The following LINGO2 variants were observed in gnomAD, a reference collection of about 807,000 sequenced individuals.
The protein encoded by LINGO2 is leucine rich repeat and Ig domain containing 2.
LINGO2 carries 14 observed loss-of-function variants against 30.6 expected under a neutral mutation model. The observed-to-expected ratio is 0.46, with a 90% CI of 0.30 to 0.72. The LOEUF (loss-of-function observed/expected upper bound fraction) is 0.72, where lower values mean the gene tolerates loss of function less well. Ranked by LOEUF, LINGO2 falls within the 30% of genes least tolerant of loss-of-function variation. LINGO2 has a pLI of 0.07. For missense variants in LINGO2, 729 were observed against 751.7 expected (o/e 0.97, Z 0.35); for synonymous variants, 317 against 288.5 (o/e 1.10, Z -1.00).
chr9:29,153,662 C>A, the LINGO2 span, among the ~76,000 whole-genome samples: 1 of 152,118 alleles, frequency 6.6e-6, no homozygotes, highest in Non-Finnish European at 1.5e-5. Context: ...ATACACCCAA[C>A]AAATACAAGG....
At chr9:27,961,274 C>A (rs1819832534) in intron 5 of LINGO2, among the ~76,000 whole-genome samples, 2 of 152,244 alleles carry the variant, frequency 1.3e-5, no homozygotes, top group African/African-American at 4.8e-5. Context: ...TGGGATGTGA[C>A]CCCATCATAA....
chr9:29,014,759 G>A, the LINGO2 span, among the ~76,000 whole-genome samples: 19 of 152,062 alleles, frequency 1.2e-4, no homozygotes, highest in Non-Finnish European at 2.1e-4. Flanking sequence ...TTGGTACTGC[G>A]GTGGAACTTC....
At chr9:28,918,675 C>A in the LINGO2 span, among the ~76,000 whole-genome samples, 1 of 152,184 alleles carries the variant, frequency 6.6e-6, no homozygotes, top group South Asian at 2.1e-4. Flanking sequence ...TGTCAATACA[C>A]TTGAAAACAT....
chr9:28,310,359 A>C (rs1003921306), intron 3 of LINGO2, among the ~76,000 whole-genome samples: 23 of 152,190 alleles, frequency 1.5e-4, no homozygotes, highest in African/African-American at 5.5e-4. Context: ...CTGCACAATA[A>C]AAAGGAATGA....
Position 28,616,189 on chromosome 9 carries a change from T to G in LINGO2, c.-365+54011A>C, listed in dbSNP as rs367672559. 1.2e-3 allele frequency among the ~76,000 whole-genome samples: 177 copies of G among 152,300 alleles called. 3 individuals are homozygous for G. The South Asian group carries it at 0.034, about 29-fold the overall frequency. On this transcript the variant is annotated intron_variant, in intron 1 of 5. Coordinates refer to ENST00000379992, the Ensembl canonical transcript of LINGO2. ...GAAAAGTTTATTTTTAAAATGCTTA[T>G]AAATATTTTTGTTCAGCTGGTCAAA... is the stretch of plus-strand genomic sequence containing the variant.
chr9:28,202,403 T>C (rs1820269259), intron 4 of LINGO2, among the ~76,000 whole-genome samples: 1 of 152,098 alleles, frequency 6.6e-6, no homozygotes, highest in South Asian at 2.1e-4. Context: ...ATCCACTCTT[T>C]GAAAACCACT....
the LINGO2 span, among the ~76,000 whole-genome samples, chr9:29,115,648 T>C: frequency 6.6e-6 from 1 of 152,030 alleles, no homozygotes; most frequent in Non-Finnish European, 1.5e-5. Flanking sequence ...GTTAATATTT[T>C]ATAGTAATTA....
the LINGO2 span, among the ~76,000 whole-genome samples, chr9:28,869,289 T>C: frequency 2.0e-5 from 3 of 151,998 alleles, no homozygotes; most frequent in African/African-American, 7.2e-5. Flanking sequence ...AGTACAGCCA[T>C]AACTGTAATG....
chr9:28,256,969 G>A (rs1383129130), intron 4 of LINGO2, among the ~76,000 whole-genome samples: 2 of 151,644 alleles, frequency 1.3e-5, no homozygotes, highest in Non-Finnish European at 2.9e-5. Flanking sequence ...TCTATTGTGA[G>A]GAATATCTTC....
At chr9:28,227,111 A>G (rs922952258) in intron 4 of LINGO2, among the ~76,000 whole-genome samples, 7 of 152,246 alleles carry the variant, frequency 4.6e-5, no homozygotes, top group Admixed American at 1.3e-4. Flanking sequence ...CATACTAAGC[A>G]CTCAATAAAT....
intron 4 of LINGO2, among the ~76,000 whole-genome samples, chr9:28,233,322 A>T (rs1034501866): frequency 6.6e-6 from 1 of 152,030 alleles, no homozygotes; most frequent in African/African-American, 2.4e-5. Flanking sequence ...TTCCTATTTG[A>T]AAAATGTGTA....
At chr9:28,611,270 T>C (rs1825903236) in intron 1 of LINGO2, among the ~76,000 whole-genome samples, 1 of 152,178 alleles carries the variant, frequency 6.6e-6, no homozygotes, top group African/African-American at 2.4e-5. Context: ...TATGATGTGA[T>C]GTTTTGATAT....
intron 5 of LINGO2, chr9:28,012,309 T>TC (rs988676571): frequency 5.3e-5 from 8 of 152,126 alleles, no homozygotes; most frequent in African/African-American, 1.9e-4. Flanking sequence ...CTTTATGCCT[T>TC]CCCCACTTGC....
At chr9:28,994,164 G>T in the LINGO2 span, among the ~76,000 whole-genome samples, 1 of 152,046 alleles carries the variant, frequency 6.6e-6, no homozygotes, top group Admixed American at 6.6e-5. Flanking sequence ...AGCAACTTCA[G>T]CAAAGTCTCA....
the LINGO2 span, among the ~76,000 whole-genome samples, chr9:28,974,625 T>C: frequency 6.6e-6 from 1 of 152,178 alleles, no homozygotes; most frequent in East Asian, 1.9e-4. Flanking sequence ...AATGAATCCA[T>C]AAAACTTGAC....
At chr9:28,865,795 C>T in the LINGO2 span, among the ~76,000 whole-genome samples, 1 of 152,026 alleles carries the variant, frequency 6.6e-6, no homozygotes. Context: ...AAAAACAAAA[C>T]AAAACAAAGA....
the LINGO2 span, among the ~76,000 whole-genome samples, chr9:28,847,172 A>T: frequency 0.083 from 12,244 of 148,174 alleles, 2,557 homozygotes; most frequent in African/African-American, 0.29. Context: ...AGACTTGCCC[A>T]TTATGCTCAA....
the LINGO2 span, among the ~76,000 whole-genome samples, chr9:29,021,800 A>G: frequency 6.6e-6 from 1 of 152,110 alleles, no homozygotes; most frequent in East Asian, 1.9e-4. Context: ...ATAAATGTTG[A>G]TATTTTGTTT....
At chr9:28,289,895 G>A (rs1823654979) in intron 4 of LINGO2, among the ~76,000 whole-genome samples, 1 of 152,186 alleles carries the variant, frequency 6.6e-6, no homozygotes, top group Admixed American at 6.5e-5. Flanking sequence ...ATTCAGGAAT[G>A]CCAGAAAATT....
Sources: gnomAD v4.1 joint callset for allele counts (sites outside exome capture counted in the v4.1 genomes callset) on GRCh38, gnomAD v4.1.1 for gene constraint, MANE v1.5 for transcripts, NCBI Gene and HGNC (gene_info 2026-07-23, HGNC 2026-07-21) for gene names.